PPP6R2: variants seen among roughly 807,000 people sequenced by gnomAD.
The protein encoded by PPP6R2 is serine/threonine-protein phosphatase 6 regulatory subunit 2.
Under a neutral mutation model 100.2 loss-of-function variants are expected in PPP6R2, and 62 were observed. The ratio of observed to expected loss-of-function variants is 0.62; its 90% CI spans 0.50 to 0.76. The LOEUF (loss-of-function observed/expected upper bound fraction) is 0.76, where lower values mean the gene tolerates loss of function less well. PPP6R2 is among the 30% of genes least tolerant of loss of function. The pLI is 0.00. For missense variants in PPP6R2, 1,142 were observed against 1,276.3 expected, an observed-to-expected ratio of 0.89 and a Z score of 1.60; for synonymous variants, 525 against 514.7, an observed-to-expected ratio of 1.02 and a Z score of -0.27.
At chr22:50,340,249 G>A (rs1376063277), upstream of PPP6R2, among the ~76,000 whole-genome samples, 1 of 118,312 alleles carries the variant, frequency 8.5e-6, no homozygotes, top group African/African-American at 3.2e-5. Context: ...TGTGTGGTGT[G>A]TGTGGAGGGT....
At chr22:50,402,651 A>G (rs1234711325) in intron 3 of PPP6R2, among the ~76,000 whole-genome samples, 2 of 151,878 alleles carry the variant, frequency 1.3e-5, no homozygotes, top group Non-Finnish European at 2.9e-5. Flanking sequence ...CTGCCTCTCC[A>G]TTCTTGTCTT....
chr22:50,438,970 T>C (rs1342122590), intron 19 of PPP6R2, among the ~76,000 whole-genome samples: 1 of 152,210 alleles, frequency 6.6e-6, no homozygotes, highest in Non-Finnish European at 1.5e-5. Flanking sequence ...TGCCCCTGCC[T>C]TGCAGTTGTG....
chr22:50,360,746 A>G (rs1242659602), intron 1 of PPP6R2, among the ~76,000 whole-genome samples: 3 of 152,082 alleles, frequency 2.0e-5, no homozygotes, highest in Non-Finnish European at 4.4e-5. Flanking sequence ...GCTCACAGAT[A>G]GGACACCTAT....
chr22:50,362,265 C>T (rs933119699), intron 1 of PPP6R2, among the ~76,000 whole-genome samples: 24 of 152,314 alleles, frequency 1.6e-4, no homozygotes, highest in African/African-American at 5.1e-4. Context: ...TTTCAGTTTT[C>T]ACTTGAGCCT....
At chr22:50,430,916 G>A (rs1428670917) in intron 10 of PPP6R2, among the ~76,000 whole-genome samples, 1 of 150,892 alleles carries the variant, frequency 6.6e-6, no homozygotes, top group African/African-American at 2.4e-5. Flanking sequence ...AAAGTAGAAA[G>A]GTGATGATTC....
At chr22:50,339,014 G>GT (rs1569218599), upstream of PPP6R2, among the ~76,000 whole-genome samples, 1 of 131,924 alleles carries the variant, frequency 7.6e-6, no homozygotes, top group African/African-American at 2.9e-5. Context: ...TGTGGTGTGT[G>GT]GTGTGTGTGT....
chr22:50,338,454 GGTATGTAGT>G (rs2042328130), upstream of PPP6R2, among the ~76,000 whole-genome samples: 1 of 129,016 alleles, frequency 7.8e-6, no homozygotes, highest in African/African-American at 3.5e-5. Context: ...TGTGGTGTGT[GGTATGTAGT>G]GTGTGTTATG....
intron 2 of PPP6R2, among the ~76,000 whole-genome samples, chr22:50,389,887 C>T (rs1170898976): frequency 6.6e-6 from 1 of 151,978 alleles, no homozygotes; most frequent in Non-Finnish European, 1.5e-5. Context: ...CAGTGCCCAG[C>T]CTGATGTGAT....
chr22:50,333,032 G>T, the PPP6R2 span, among the ~76,000 whole-genome samples: 2 of 152,054 alleles, frequency 1.3e-5, no homozygotes, highest in East Asian at 3.9e-4. Context: ...TCAGCTACTT[G>T]GGAGGCTGAA....
rs188303479 is a variant in PPP6R2 at position 50,377,130 on chromosome 22, C to T, written c.-17+4980C>T. ...ATATTTGAAAAAGGACCATGTAGAA[C>T]TTCTAGAAATAAAGAATAAAATATT... On this transcript the variant is annotated intron_variant, in intron 2 of 23. Coordinates refer to ENST00000612753, the MANE Select transcript of PPP6R2 (RefSeq NM_001242898.2). Among the ~76,000 whole-genome samples, 306 of 152,200 alleles carry T rather than the reference C, an allele frequency of 2.0e-3. 2 individuals carry two copies. The highest frequency in any genetic ancestry group is 7.1e-3 in the African/African-American group (295 of 41,536).
At chr22:50,424,250 C>G (rs1235715052) in intron 10 of PPP6R2, among the ~76,000 whole-genome samples, 1 of 152,176 alleles carries the variant, frequency 6.6e-6, no homozygotes, top group East Asian at 1.9e-4. Context: ...CTGCCTGGCT[C>G]TGGGGCTCTG....
At chr22:50,341,932 G>T (rs546792676), upstream of PPP6R2, among the ~76,000 whole-genome samples, 2 of 152,006 alleles carry the variant, frequency 1.3e-5, no homozygotes, top group East Asian at 3.9e-4. Flanking sequence ...GGCGGAGCTT[G>T]CAGTGAGCCG....
intron 10 of PPP6R2, among the ~76,000 whole-genome samples, chr22:50,429,305 AC>A (rs2062735247): frequency 6.6e-6 from 1 of 152,222 alleles, no homozygotes; most frequent in South Asian, 2.1e-4. Context: ...TGTTGGGATT[AC>A]AGGCATGAGC....
chr22:50,439,636 C>G (rs1373674105), intron 19 of PPP6R2, 65 bp from the exon 20 acceptor site: 1 of 1,453,672 alleles, frequency 6.9e-7, no homozygotes, highest in Non-Finnish European at 9.1e-7. Context: ...AGGGGCGCTG[C>G]CTCCCCTTTG....
chr22:50,378,079 C>T (rs1002746683), intron 2 of PPP6R2, among the ~76,000 whole-genome samples: 4 of 152,000 alleles, frequency 2.6e-5, no homozygotes, highest in African/African-American at 9.7e-5. Flanking sequence ...TATAGCTAGC[C>T]AAAGGAGAGT....
rs1368350467 is a variant in PPP6R2, at chr22:50,437,780, C to A, written c.1782-63C>A. ...CCCGATGAGCACCGGGGGAGGAGCACTGAGGCCCCAGATGAGCAGTGGGCC... is the reference window on the plus strand; with the variant it reads ...CCCGATGAGCACCGGGGGAGGAGCAATGAGGCCCCAGATGAGCAGTGGGCC... On this transcript the variant is annotated intron_variant, in intron 16 of 23. Coordinates refer to ENST00000612753, the MANE Select transcript of PPP6R2 (RefSeq NM_001242898.2). 9.9e-6 allele frequency: 15 copies of A among 1,522,364 alleles called. No homozygotes were observed. In the Admixed American group the frequency reaches 2.7e-4, roughly 28 times the overall value. 94.3% of individuals were successfully genotyped at this position (1,522,364 alleles called of 1,614,324 possible).
chr22:50,331,021 C>T, the PPP6R2 span, among the ~76,000 whole-genome samples: 1 of 152,130 alleles, frequency 6.6e-6, no homozygotes, highest in Non-Finnish European at 1.5e-5. Flanking sequence ...GGTTGTAAGC[C>T]ATGACGTGTG....
At chr22:50,442,427 C>T (rs1371401018) in intron 22 of PPP6R2, among the ~76,000 whole-genome samples, 3 of 152,224 alleles carry the variant, frequency 2.0e-5, no homozygotes, top group South Asian at 4.1e-4. Context: ...GCACGGGAAA[C>T]GGGGCCAAGG....
Position 50,419,457 on chromosome 22 carries a change from G to A in PPP6R2, c.840G>A (p.Arg280=), listed in dbSNP as rs763763146. The part of the protein sequence containing the change: ...QVLLTLLETR[R]VGTEGLVDSF... ...TACTCACCTTGCTGGAAACCAGGCGGGTTGGGTGAGTCTCACGAGGAGAAA... is the reference window on the plus strand; with the variant it reads ...TACTCACCTTGCTGGAAACCAGGCGAGTTGGGTGAGTCTCACGAGGAGAAA... The change falls in exon 8 of 24, where the codon CGG becomes CGA. Residue 280 remains arginine, a synonymous_variant. Coordinates refer to ENST00000612753, the MANE Select transcript of PPP6R2 (RefSeq NM_001242898.2). 1.2e-5 allele frequency: 20 copies of A among 1,612,964 alleles called. No individual in the cohort carries two copies. The African/African-American group carries it at 2.5e-4, about 20-fold the overall frequency.
Sources: allele counts gnomAD v4.1 joint callset (sites outside exome capture counted in the v4.1 genomes callset), GRCh38; gene constraint gnomAD v4.1.1; transcripts MANE v1.5; gene names NCBI Gene and HGNC (gene_info 2026-07-23, HGNC 2026-07-21).